The following TPX2 variants were observed in gnomAD, a reference collection of about 807,000 sequenced individuals.
TPX2 encodes targeting protein for Xklp2.
TPX2 carries 21 observed loss-of-function variants against 93.6 expected under a neutral mutation model. The observed-to-expected ratio is 0.22, with a 90% CI of 0.16 to 0.32. TPX2 has a LOEUF of 0.32. Ranked by LOEUF, TPX2 falls within the 10% of genes least tolerant of loss-of-function variation. TPX2 has a pLI of 1.00. For missense variants in TPX2, 776 were observed against 871.1 expected, an observed-to-expected ratio of 0.89 and a Z score of 1.37; for synonymous variants, 281 against 298.3, an observed-to-expected ratio of 0.94 and a Z score of 0.60.
Position 31,775,952 on chromosome 20 carries a change from A to G in TPX2, c.694A>G (p.Asn232Asp), listed in dbSNP as rs1662799975. The change falls in exon 8 of 18, where the codon AAT becomes GAT. Residue 232 changes from asparagine to aspartate, a missense_variant. This residue lies in a region of TPX2 where 279 missense variants were observed against 261.6 expected (regional missense o/e 1.07). Transcript: ENST00000300403. ...AGAGGTGGTGGAGATGCGGAAAAAGAATGAAGAATTCAAGAAACTTGCTCT... is the reference window on the plus strand; with the variant it reads ...AGAGGTGGTGGAGATGCGGAAAAAGGATGAAGAATTCAAGAAACTTGCTCT... The part of the protein sequence containing the change: ...QQEVVEMRKK[N>D]EEFKKLALAG... 1.9e-6 allele frequency: 3 copies of G among 1,597,392 alleles called. No homozygotes were observed. The highest frequency in any genetic ancestry group is 2.6e-6 in the Non-Finnish European group (3 of 1,170,308).
chr20:31,763,651 T>C (rs1412155708), intron 4 of TPX2, among the ~76,000 whole-genome samples: 2 of 152,086 alleles, frequency 1.3e-5, no homozygotes, highest in African/African-American at 4.8e-5. Context: ...CATAAATGTT[T>C]AGGATTGTTA....
intron 11 of TPX2, 40 bp downstream of exon 11, chr20:31,782,430 A>G: frequency 1.3e-6 from 2 of 1,561,666 alleles, no homozygotes; most frequent in Non-Finnish European, 1.7e-6. Flanking sequence ...AGTTCCACGA[A>G]CCTGCCTACT....
chr20:31,784,651 A>G (rs2062054315), intron 12 of TPX2, among the ~76,000 whole-genome samples: 2 of 152,324 alleles, frequency 1.3e-5, no homozygotes, highest in Admixed American at 1.3e-4. Context: ...AGAAGCTTCT[A>G]CTGGGAGCTG....
At chr20:31,790,856 A>G (rs1165140577) in intron 12 of TPX2, among the ~76,000 whole-genome samples, 1 of 152,170 alleles carries the variant, frequency 6.6e-6, no homozygotes, top group Admixed American at 6.5e-5. Context: ...AATAAGTGCA[A>G]TTAAGTTTTG....
chr20:31,756,340 G>A (rs2061851822), intron 2 of TPX2, among the ~76,000 whole-genome samples: 1 of 152,158 alleles, frequency 6.6e-6, no homozygotes, highest in Non-Finnish European at 1.5e-5. Flanking sequence ...TTGTATGATA[G>A]GTGGAAATTG....
At chr20:31,764,275 TC>T (rs1411413287) in intron 4 of TPX2, among the ~76,000 whole-genome samples, 1 of 152,064 alleles carries the variant, frequency 6.6e-6, no homozygotes, top group East Asian at 1.9e-4. Flanking sequence ...GCACAGGTGA[TC>T]CTCTTACCTC....
In TPX2 at chr20:31,771,542, T is replaced by G. The variant is rs1214703471; in HGVS notation, c.486-18T>G. The G allele has an allele frequency of 6.2e-7, 1 of 1,608,110 alleles. No homozygotes were observed. Among genetic ancestry groups the G allele is most frequent in the East Asian group, 2.2e-5 (1 of 44,810 alleles). On this transcript the variant is annotated intron_variant, in intron 6 of 17. Transcript: ENST00000300403. ...TTCAGGGAATTGAAAACATATTTTT[T>G]GTCCTTTTGAACTCAAGTTCTAACA... is the stretch of plus-strand genomic sequence containing the variant.
At position 31,777,552 on chromosome 20, in the gene TPX2, G is replaced by C. The variant is rs771577736; in HGVS notation, c.796G>C (p.Glu266Gln). The change falls in exon 9 of 18, where the codon GAG becomes CAG. Residue 266 changes from glutamate (E) to glutamine (Q), a missense_variant. Physicochemically the swap from Glu to Gln is conservative, Grantham distance 29. Transcript: ENST00000300403. ...AGTTGACTTCCACTTCCGCACAGAT[G>C]AGCGAATCAAACAACATCCTAAGAA... The part of the protein sequence containing the change: ...KSVDFHFRTD[E>Q]RIKQHPKNQE... 1 of 1,614,174 alleles carries C rather than the reference G, an allele frequency of 6.2e-7. No individual in the cohort carries two copies. The highest frequency in any genetic ancestry group is 1.1e-5 in the South Asian group (1 of 91,078).
In TPX2 at chr20:31,777,517, T is replaced by C. The variant is rs756349140; in HGVS notation, c.761T>C (p.Val254Ala). The change falls in exon 9 of 18, where the codon GTC becomes GCC. Residue 254 changes from valine to alanine, a missense_variant. Coordinates refer to ENST00000300403, the MANE Select transcript of TPX2 (RefSeq NM_012112.5). ...CCTGTGAAGAAATCAGTGAGCCAGG[T>C]CACCAAATCAGTTGACTTCCACTTC... is the stretch of plus-strand genomic sequence containing the variant. ...GQPVKKSVSQ[V>A]TKSVDFHFRT... The C allele has an allele frequency of 1.2e-6, 2 of 1,613,944 alleles. No individual in the cohort carries two copies. The highest frequency in any genetic ancestry group is 1.7e-6 in the Non-Finnish European group (2 of 1,179,954).
chr20:31,797,592 C>T (rs574243113), intron 16 of TPX2, 77 bp downstream of exon 16: 4 of 1,261,796 alleles, frequency 3.2e-6, no homozygotes, highest in Admixed American at 3.7e-5. Context: ...TTCAGTGTGT[C>T]AGTACAATGC....
At chr20:31,775,730 T>G (rs980444230) in intron 7 of TPX2, 137 bp from the exon 8 acceptor site, 2 of 827,964 alleles carry the variant, frequency 2.4e-6, no homozygotes, top group African/African-American at 3.6e-5. Context: ...TTAGCATCTA[T>G]TTATTAGATG....
intron 9 of TPX2, among the ~76,000 whole-genome samples, chr20:31,778,012 C>T (rs929488461): frequency 1.7e-4 from 26 of 151,878 alleles, no homozygotes; most frequent in African/African-American, 6.0e-4. Context: ...TGACCTCAGG[C>T]GATCCACCTG....
intron 2 of TPX2, among the ~76,000 whole-genome samples, chr20:31,744,461 A>AT (rs2061772484): frequency 4.6e-5 from 7 of 151,928 alleles, no homozygotes; most frequent in Admixed American, 4.6e-4. Flanking sequence ...CCGGCCTCTA[A>AT]TTTTTTTAAC....
chr20:31,770,761 A>G (rs1319968677), intron 6 of TPX2, among the ~76,000 whole-genome samples: 2 of 152,126 alleles, frequency 1.3e-5, no homozygotes, highest in African/African-American at 2.4e-5. Flanking sequence ...GTTTGTTTAT[A>G]TTTTTATTAG....
intron 5 of TPX2, 68 bp downstream of exon 5, chr20:31,766,750 C>A: frequency 4.1e-5 from 50 of 1,207,722 alleles, no homozygotes; most frequent in Middle Eastern, 2.1e-4. Flanking sequence ...CTGGACAGAA[C>A]ATCTATTATG....
At chr20:31,782,163 C>T in intron 10 of TPX2, 86 bp from the exon 11 acceptor site, 1 of 1,501,824 alleles carries the variant, frequency 6.7e-7, no homozygotes, top group Non-Finnish European at 8.9e-7. Context: ...TGGTTTATCC[C>T]TCTCTGGGCT....
rs748895312 is a variant in TPX2 at position 31,778,902 on chromosome 20, T to C, written c.972T>C (p.Tyr324=). The C allele has an allele frequency of 1.4e-5, 23 of 1,612,784 alleles. No homozygotes were observed. The highest frequency in any genetic ancestry group is 1.9e-5 in the Non-Finnish European group (22 of 1,179,780). ...CATTTGATGAAACAGTTTCTACATA[T>C]GTGCCCCTTGCACAGCAAGTTGAAG... The part of the protein sequence containing the change: ...KRTFDETVST[Y]VPLAQQVEDF... Residue 324 remains tyrosine, a synonymous_variant, in exon 10 of 18, where the codon TAT becomes TAC. Coordinates refer to ENST00000300403, the MANE Select transcript of TPX2 (RefSeq NM_012112.5).
chr20:31,798,331 T>C, intron 16 of TPX2, 34 bp from the exon 17 acceptor site: 1 of 1,613,456 alleles, frequency 6.2e-7, no homozygotes, highest in Non-Finnish European at 8.5e-7. Context: ...AAGTCCTGCT[T>C]GTGCACCAAT....
At chr20:31,760,833 C>T (rs907396018) in intron 4 of TPX2, among the ~76,000 whole-genome samples, 3 of 152,110 alleles carry the variant, frequency 2.0e-5, no homozygotes, top group Admixed American at 6.6e-5. Flanking sequence ...GATGATGGAT[C>T]GCTTCTCGGC....
Sources: gnomAD v4.1 joint callset for allele counts (sites outside exome capture counted in the v4.1 genomes callset) on GRCh38, gnomAD v4.1.1 for gene constraint, gnomAD v4.1.1 regional missense constraint, MANE v1.5 for transcripts, NCBI Gene and HGNC (gene_info 2026-07-23, HGNC 2026-07-21) for gene names.